The following MRPS27 variants were observed in gnomAD, a reference collection of about 807,000 sequenced individuals.
MRPS27 encodes mitochondrial ribosomal protein S27, also known as small ribosomal subunit protein mS27.
Under a neutral mutation model 48.9 loss-of-function variants are expected in MRPS27, and 43 were observed. The observed-to-expected ratio is 0.88, with a 90% CI of 0.69 to 1.13. The LOEUF (loss-of-function observed/expected upper bound fraction) is 1.13. MRPS27 is among the 50% of genes most tolerant of loss of function. The pLI is 0.00. For missense variants in MRPS27, 467 were observed against 476.3 expected (o/e 0.98, Z 0.18); for synonymous variants, 188 against 171.9 (o/e 1.09, Z -0.73).
chr5:72,288,161 A>C (rs1042145935), intron 4 of MRPS27, among the ~76,000 whole-genome samples: 1 of 152,226 alleles, frequency 6.6e-6, no homozygotes, highest in Non-Finnish European at 1.5e-5. Context: ...TGAAATAATA[A>C]GACCAGTGGG....
chr5:72,283,110 A>C (rs1749574047), intron 4 of MRPS27, among the ~76,000 whole-genome samples: 1 of 152,174 alleles, frequency 6.6e-6, no homozygotes, highest in Non-Finnish European at 1.5e-5. Flanking sequence ...TGATCTGCTC[A>C]TCTAGAAAGC....
At chr5:72,241,650 G>C in intron 4 of MRPS27, 2 of 1,535,408 alleles carry the variant, frequency 1.3e-6, no homozygotes, top group Non-Finnish European at 1.7e-6. Context: ...CACTTGCCTG[G>C]AATAATTCTG....
chr5:72,223,502 A>C (rs942417899), intron 10 of MRPS27, among the ~76,000 whole-genome samples, 181 bp downstream of exon 10: 3 of 152,214 alleles, frequency 2.0e-5, no homozygotes, highest in Non-Finnish European at 2.9e-5. Flanking sequence ...AAGGAGCATA[A>C]AAATTCCATT....
At chr5:72,233,970 C>T in intron 6 of MRPS27, 149 bp downstream of exon 6, 1 of 776,426 alleles carries the variant, frequency 1.3e-6, no homozygotes, top group South Asian at 3.8e-5. Context: ...AAAAATTTTG[C>T]ATAAAAGATA....
rs538904205 is a variant in MRPS27, at chr5:72,292,088, C to T, written c.281+3443G>A. On this transcript the variant is annotated intron_variant, in intron 4 of 10. Coordinates refer to ENST00000261413, the MANE Select transcript of MRPS27 (RefSeq NM_015084.3). Reference sequence around the variant, plus strand: ...TTATTTAAGTTTTCTTTATTTGTCACAGCCCAACAGTATGCCTTGTTTCCT... The same window carrying T: ...TTATTTAAGTTTTCTTTATTTGTCATAGCCCAACAGTATGCCTTGTTTCCT... 3.3e-5 allele frequency among the ~76,000 whole-genome samples: 5 copies of T among 152,234 alleles called. No individual in the cohort carries two copies. In the South Asian group the frequency reaches 1.0e-3, roughly 32 times the overall value.
At chr5:72,268,529 T>C (rs1041175635) in intron 4 of MRPS27, among the ~76,000 whole-genome samples, 1 of 152,208 alleles carries the variant, frequency 6.6e-6, no homozygotes, top group Non-Finnish European at 1.5e-5. Flanking sequence ...CTTGGAGGTC[T>C]GTGGAGCTGA....
intron 5 of MRPS27, 31 bp downstream of exon 5, chr5:72,237,983 A>G (rs762585054): frequency 5.7e-5 from 85 of 1,504,190 alleles, no homozygotes; most frequent in Admixed American, 1.8e-4. Flanking sequence ...AAACTCAGGA[A>G]AACAGGCTGC....
intron 2 of MRPS27, among the ~76,000 whole-genome samples, chr5:72,298,778 C>T (rs1179359266): frequency 6.9e-6 from 1 of 145,486 alleles, no homozygotes; most frequent in African/African-American, 2.5e-5. Context: ...TTATTAGGTA[C>T]ATACCGAAAA....
At chr5:72,299,816 TTCTCCTCAC>T (rs1358447520) in intron 2 of MRPS27, among the ~76,000 whole-genome samples, 11 of 152,248 alleles carry the variant, frequency 7.2e-5, no homozygotes, top group African/African-American at 2.7e-4. Context: ...CTTTTTCCCC[TTCTCCTCAC>T]TCTCAGCTCA....
chr5:72,291,797 T>C lies in MRPS27; in HGVS notation c.281+3734A>G, dbSNP rs190703918. Among the ~76,000 whole-genome samples, 180 of 152,384 alleles carry C rather than the reference T, an allele frequency of 1.2e-3. 3 individuals carry two copies. Among genetic ancestry groups the C allele is most frequent in the Admixed American group, 0.012 (178 of 15,304 alleles). ...GAAACAGAAGCAAAAGCAAATGGCC[T>C]GTGGCAGCATGGTCTGGCCTATCTC... On this transcript the variant is annotated intron_variant, in intron 4 of 10. Transcript: ENST00000261413.
intron 4 of MRPS27, among the ~76,000 whole-genome samples, chr5:72,278,075 A>T (rs1338665478): frequency 3.3e-5 from 5 of 152,154 alleles, no homozygotes; most frequent in African/African-American, 9.7e-5. Flanking sequence ...TGTATCCTGA[A>T]ACTTAAATTA....
At chr5:72,303,107 A>G (rs567159503) in intron 2 of MRPS27, among the ~76,000 whole-genome samples, 1 of 152,280 alleles carries the variant, frequency 6.6e-6, no homozygotes, top group African/African-American at 2.4e-5. Context: ...GTTGCCTGGG[A>G]ATTTGGGGTA....
At chr5:72,302,791 T>TA (rs1197413951) in intron 2 of MRPS27, among the ~76,000 whole-genome samples, 10 of 152,168 alleles carry the variant, frequency 6.6e-5, no homozygotes, top group African/African-American at 1.4e-4. Context: ...CCAATACTTG[T>TA]AAGATGAGAA....
intron 4 of MRPS27, among the ~76,000 whole-genome samples, chr5:72,262,355 T>C (rs990585160): frequency 7.9e-5 from 12 of 152,106 alleles, no homozygotes; most frequent in African/African-American, 1.2e-4. Context: ...GCTGAGGTTT[T>C]TTGTGAGGCC....
intron 2 of MRPS27, among the ~76,000 whole-genome samples, chr5:72,302,454 A>G (rs1477994302): frequency 6.6e-6 from 1 of 152,250 alleles, no homozygotes; most frequent in African/African-American, 2.4e-5. Context: ...CATGGGAGGG[A>G]ACACAAAAGA....
chr5:72,229,257 T>C (rs1747984386), intron 7 of MRPS27: 1 of 152,252 alleles, frequency 6.6e-6, no homozygotes, highest in Non-Finnish European at 1.5e-5. Flanking sequence ...ATGAATAATG[T>C]CTGCAGGCTG....
chr5:72,300,733 C>G (rs372897005), intron 2 of MRPS27, among the ~76,000 whole-genome samples: 3 of 152,150 alleles, frequency 2.0e-5, no homozygotes, highest in African/African-American at 4.8e-5. Context: ...GCTAAGCCAC[C>G]AGTATCTCTC....
At chr5:72,290,135 T>C (rs1046640846) in intron 4 of MRPS27, among the ~76,000 whole-genome samples, 6 of 152,232 alleles carry the variant, frequency 3.9e-5, no homozygotes, top group African/African-American at 7.2e-5. Flanking sequence ...AATAGAGACA[T>C]AGAGCCCGCC....
intron 4 of MRPS27, among the ~76,000 whole-genome samples, chr5:72,284,429 TA>T (rs780830271): frequency 0.014 from 1,897 of 134,806 alleles, 8 homozygotes; most frequent in African/African-American, 0.028. Flanking sequence ...GTCTTTAAAT[TA>T]AAAAAAAAAA....
Sources: gnomAD v4.1 joint callset for allele counts (sites outside exome capture counted in the v4.1 genomes callset) on GRCh38, gnomAD v4.1.1 for gene constraint, MANE v1.5 for transcripts, NCBI Gene and HGNC (gene_info 2026-07-23, HGNC 2026-07-21) for gene names.